Variants in LIPJ observed in about 807,000 individuals in gnomAD.
LIPJ encodes the protein lipase member J.
Under a neutral mutation model 39.8 loss-of-function variants are expected in LIPJ, and 33 were observed. That is an observed-to-expected ratio of 0.83 (90% CI 0.63 to 1.11). LIPJ has a LOEUF of 1.11. Ranked by LOEUF, LIPJ falls within the 50% of genes least tolerant of loss-of-function variation. The pLI is 0.00. For synonymous variants in LIPJ, 128 were observed against 139.2 expected (o/e 0.92, Z 0.57); for missense variants, 422 against 427.9 (o/e 0.99, Z 0.12).
intron 2 of LIPJ, among the ~76,000 whole-genome samples, chr10:88,589,477 C>T (rs1851012288): frequency 6.6e-6 from 1 of 151,890 alleles, no homozygotes; most frequent in Non-Finnish European, 1.5e-5. Flanking sequence ...TCAATGAAAA[C>T]CACAGATATT....
downstream of LIPJ, among the ~76,000 whole-genome samples, chr10:88,609,234 T>C (rs1350544272): frequency 6.6e-6 from 1 of 152,230 alleles, no homozygotes; most frequent in East Asian, 1.9e-4. Flanking sequence ...TAGGTTATTA[T>C]GAATGCTGCT....
chr10:88,612,967 G>A, the LIPJ span, among the ~76,000 whole-genome samples: 1 of 152,192 alleles, frequency 6.6e-6, no homozygotes, highest in Non-Finnish European at 1.5e-5. Flanking sequence ...CATTCTTCAA[G>A]ATAGACCATA....
intron 9 of LIPJ, among the ~76,000 whole-genome samples, chr10:88,603,482 G>C (rs539749781): frequency 3.9e-5 from 6 of 152,158 alleles, no homozygotes; most frequent in Non-Finnish European, 8.8e-5. Context: ...AAAAAATCCA[G>C]TGTGAATGCA....
chr10:88,586,359 AC>A (rs1850919795), upstream of LIPJ, among the ~76,000 whole-genome samples: 1 of 152,134 alleles, frequency 6.6e-6, no homozygotes, highest in Admixed American at 6.5e-5. Flanking sequence ...TGACTAGATC[AC>A]CTAGGATTGC....
Position 88,596,886 on chromosome 10 carries a change from C to G in LIPJ, c.673C>G (p.Leu225Val), listed in dbSNP as rs764992748. 3 of 1,589,158 alleles carry G rather than the reference C, an allele frequency of 1.9e-6. No homozygotes were observed. In the Admixed American group the frequency reaches 5.1e-5, roughly 27 times the overall value. The stretch of plus-strand genomic sequence containing the variant: ...ACTACAGATTTTTGATAAGATTTGC[C>G]TCAATATCTTGTTTATGATGTTTGG... The change falls in exon 8 of 11, where the codon CTC (leucine) becomes GTC (valine). Residue 225 changes from leucine to valine, a missense_variant. Physicochemically the swap from Leu to Val is conservative, Grantham distance 32 (BLOSUM62 1). Coordinates refer to ENST00000371939, the Ensembl canonical transcript of LIPJ.
At chr10:88,595,712 TAATA>T (rs1851230747) in intron 6 of LIPJ, among the ~76,000 whole-genome samples, 1 of 151,452 alleles carries the variant, frequency 6.6e-6, no homozygotes, top group Admixed American at 6.6e-5. Flanking sequence ...AATAAATAAA[TAATA>T]AATAAATAAT....
chr10:88,591,417 T>C, exon 4 of LIPJ: 2 of 1,603,840 alleles, frequency 1.2e-6, no homozygotes, highest in Non-Finnish European at 8.5e-7. Flanking sequence ...TGATGAAGAA[T>C]ATGATATTGT....
chr10:88,613,800 A>ATATATATGTGTGTGTGTGTGTGTG, the LIPJ span, among the ~76,000 whole-genome samples: 1 of 74,156 alleles, frequency 1.3e-5, no homozygotes, highest in African/African-American at 4.8e-5. Context: ...ATATATATAT[A>ATATATATGTGTGTGTGTGTGTGTG]TGTGTGTGTG....
At chr10:88,606,140 A>C (rs1031926825) in intron 10 of LIPJ, among the ~76,000 whole-genome samples, 4 of 152,156 alleles carry the variant, frequency 2.6e-5, no homozygotes, top group Non-Finnish European at 5.9e-5. Context: ...AAATTGTATA[A>C]GGACAAAATT....
downstream of LIPJ, among the ~76,000 whole-genome samples, chr10:88,611,599 C>A (rs963399135): frequency 1.3e-5 from 2 of 152,106 alleles, no homozygotes; most frequent in African/African-American, 4.8e-5. Context: ...ATCAAGGACA[C>A]ACTTAGAGAA....
intron 2 of LIPJ, 66 bp downstream of exon 2, chr10:88,587,458 G>A (rs537275754): frequency 2.0e-5 from 3 of 152,180 alleles, no homozygotes; most frequent in African/African-American, 7.2e-5. Flanking sequence ...TTTAATGGCA[G>A]AAGCTAAAGA....
upstream of LIPJ, among the ~76,000 whole-genome samples, chr10:88,586,358 C>T (rs1175992063): frequency 6.6e-6 from 1 of 152,138 alleles, no homozygotes; most frequent in East Asian, 1.9e-4. Flanking sequence ...ATGACTAGAT[C>T]ACCTAGGATT....
intron 8 of LIPJ, among the ~76,000 whole-genome samples, chr10:88,601,883 G>A (rs1340987377): frequency 6.6e-6 from 1 of 151,982 alleles, no homozygotes. Context: ...TTCTTCTTGT[G>A]GAAATAAAAC....
At chr10:88,599,151 A>G (rs1851376207) in intron 8 of LIPJ, among the ~76,000 whole-genome samples, 1 of 151,442 alleles carries the variant, frequency 6.6e-6, no homozygotes, top group Non-Finnish European at 1.5e-5. Context: ...CTGAATGGCA[A>G]TGGAAACAAA....
At chr10:88,612,226 C>T in the LIPJ span, among the ~76,000 whole-genome samples, 1 of 152,130 alleles carries the variant, frequency 6.6e-6, no homozygotes. Flanking sequence ...GAGAATCTGT[C>T]ACTACCAAAC....
upstream of LIPJ, chr10:88,583,574 T>C: frequency 9.8e-7 from 1 of 1,016,100 alleles, no homozygotes; most frequent in Non-Finnish European, 1.2e-6. Context: ...CTGCGATAAC[T>C]CTCATGCCTG....
chr10:88,591,565 C>G, intron 4 of LIPJ, 67 bp downstream of exon 4: 2 of 1,371,456 alleles, frequency 1.5e-6, no homozygotes, highest in South Asian at 2.8e-5. Context: ...CTCCAATTGA[C>G]GGAGAACATA....
At chr10:88,618,400 C>A in the LIPJ span, 7 of 152,326 alleles carry the variant, frequency 4.6e-5, no homozygotes, top group African/African-American at 1.7e-4. Context: ...ATTCTTCATG[C>A]AGATGATACC....
chr10:88,622,056 C>G, the LIPJ span, among the ~76,000 whole-genome samples: 2 of 152,168 alleles, frequency 1.3e-5, no homozygotes, highest in Non-Finnish European at 2.9e-5. Context: ...CGAGTGTTGA[C>G]TGCTAAGAAA....
Sources: gnomAD v4.1 joint callset for allele counts (sites outside exome capture counted in the v4.1 genomes callset) on GRCh38, gnomAD v4.1.1 for gene constraint, MANE v1.5 for transcripts, NCBI Gene and HGNC (gene_info 2026-07-23, HGNC 2026-07-21) for gene names.